Variants in MAGEC3 observed in about 807,000 individuals in gnomAD.
The protein encoded by MAGEC3 is melanoma-associated antigen C3.
MAGEC3 carries 34 observed loss-of-function variants against 35.3 expected under a neutral mutation model. The observed-to-expected ratio is 0.96, with a 90% CI of 0.73 to 1.28. The LOEUF (loss-of-function observed/expected upper bound fraction) is 1.28, where lower values mean the gene tolerates loss of function less well. MAGEC3 is among the 50% of genes most tolerant of loss of function. The pLI is 0.00. For missense variants in MAGEC3, 561 were observed against 483.6 expected (o/e 1.16, Z -1.50); for synonymous variants, 202 against 185.6 (o/e 1.09, Z -0.72).
At chrX:141,859,456 C>T (rs1466500366) in intron 1 of MAGEC3, among the ~76,000 whole-genome samples, 2 of 111,493 alleles carry the variant, frequency 1.8e-5, no homozygotes, top group African/African-American at 6.5e-5. Flanking sequence ...ACATTTTTAT[C>T]TATTGAATTG....
intron 4 of MAGEC3, among the ~76,000 whole-genome samples, chrX:141,885,864 C>A (rs1443245617): frequency 9.1e-6 from 1 of 109,954 alleles, no homozygotes; most frequent in South Asian, 4.0e-4. Flanking sequence ...CTCATCCCAG[C>A]TGAGAGGGTC....
At chrX:141,839,970 A>G (rs2017676490) in intron 1 of MAGEC3, 25 of 742,324 alleles carry the variant, frequency 3.4e-5, no homozygotes, top group Non-Finnish European at 3.8e-5. Context: ...ACAGTGAGAA[A>G]CCCTGAGTTT....
intron 1 of MAGEC3, among the ~76,000 whole-genome samples, chrX:141,845,695 T>G (rs1231263673): frequency 1.8e-5 from 2 of 111,287 alleles, no homozygotes; most frequent in Non-Finnish European, 3.8e-5. Context: ...TTAGAGAAAC[T>G]AATAGAATTA....
At chrX:141,858,507 T>C (rs2017795520) in intron 1 of MAGEC3, among the ~76,000 whole-genome samples, 1 of 111,587 alleles carries the variant, frequency 9.0e-6, no homozygotes, top group Non-Finnish European at 1.9e-5. Flanking sequence ...CGATTTTGTT[T>C]TATTTTTATG....
intron 1 of MAGEC3, among the ~76,000 whole-genome samples, chrX:141,862,836 A>G (rs181004190): frequency 5.4e-5 from 6 of 112,020 alleles, no homozygotes; most frequent in African/African-American, 1.9e-4. Flanking sequence ...GTTAGTGGGT[A>G]CAAACATACA....
chrX:141,892,915 G>A (rs1386782981), intron 4 of MAGEC3, among the ~76,000 whole-genome samples: 2 of 112,051 alleles, frequency 1.8e-5, no homozygotes, highest in African/African-American at 6.5e-5. Flanking sequence ...ACAAGCCAGC[G>A]ACTGGCATAA....
intron 1 of MAGEC3, among the ~76,000 whole-genome samples, chrX:141,847,980 T>G (rs2017727113): frequency 9.1e-6 from 1 of 110,199 alleles, no homozygotes; most frequent in African/African-American, 3.3e-5. Context: ...GAACAAGAAA[T>G]TAGGAGAGTG....
chrX:141,879,229 G>A lies in MAGEC3; in HGVS notation c.313G>A (p.Gly105Arg). ...PGLQLSDLHF[G>R]SQPEGKFSLR... Reference sequence around the variant, plus strand: ...TTTACAACTTTCTGACTTGCATTTTGGGAGTCAGCCGGAGGGGAAGTTTTC... The same window carrying A: ...TTTACAACTTTCTGACTTGCATTTTAGGAGTCAGCCGGAGGGGAAGTTTTC... The change falls in exon 3 of 8, where the codon GGG becomes AGG. Residue 105 changes from glycine to arginine, a missense_variant. By Grantham distance (125) the Gly-to-Arg change is moderately radical (BLOSUM62 -2). Coordinates refer to ENST00000298296, the MANE Select transcript of MAGEC3 (RefSeq NM_138702.1). 8.3e-7 allele frequency: 1 copy of A among 1,203,346 alleles called. No homozygotes were observed. Among genetic ancestry groups the A allele is most frequent in the Non-Finnish European group, 1.1e-6 (1 of 890,922 alleles).
intron 1 of MAGEC3, among the ~76,000 whole-genome samples, chrX:141,862,769 G>T (rs2017823290): frequency 8.9e-6 from 1 of 112,106 alleles, no homozygotes; most frequent in African/African-American, 3.2e-5. Context: ...GGACACCAGA[G>T]ACTGGGGAGT....
intron 1 of MAGEC3, among the ~76,000 whole-genome samples, chrX:141,848,772 A>C (rs778553609): frequency 9.0e-6 from 1 of 111,460 alleles, no homozygotes; most frequent in South Asian, 3.7e-4. Context: ...AAGTAGAAGA[A>C]ACTATTCTAA....
intron 2 of MAGEC3, among the ~76,000 whole-genome samples, chrX:141,869,016 C>A (rs112357823): frequency 0.036 from 3,893 of 108,887 alleles, 183 homozygotes; most frequent in African/African-American, 0.12. Context: ...CGAGTAGCTG[C>A]GACTACAGGT....
At chrX:141,873,827 A>T (rs2017903099) in intron 2 of MAGEC3, among the ~76,000 whole-genome samples, 1 of 111,910 alleles carries the variant, frequency 8.9e-6, no homozygotes, top group African/African-American at 3.3e-5. Context: ...AAATCCTAGC[A>T]TGTTGTTTTG....
At chrX:141,854,247 T>TAC (rs1182080640) in intron 1 of MAGEC3, among the ~76,000 whole-genome samples, 60 of 111,149 alleles carry the variant, frequency 5.4e-4, no homozygotes, top group African/African-American at 1.6e-3. Flanking sequence ...TGGTATGTCC[T>TAC]ATGAAGAGAA....
chrX:141,870,521 TG>T (rs1437942943), intron 2 of MAGEC3, among the ~76,000 whole-genome samples: 1 of 112,041 alleles, frequency 8.9e-6, no homozygotes, highest in Non-Finnish European at 1.9e-5. Flanking sequence ...ATTTTTACAA[TG>T]TTTTTATAAT....
At chrX:141,869,744 C>A (rs2017875697) in intron 2 of MAGEC3, among the ~76,000 whole-genome samples, 1 of 111,807 alleles carries the variant, frequency 8.9e-6, no homozygotes, top group Non-Finnish European at 1.9e-5. Flanking sequence ...AGTTTGGATA[C>A]AATTAGAAAC....
intron 1 of MAGEC3, among the ~76,000 whole-genome samples, chrX:141,857,721 A>G (rs776090570): frequency 4.3e-4 from 48 of 110,973 alleles, no homozygotes; most frequent in Middle Eastern, 4.7e-3. Context: ...TTAACTACTC[A>G]CAGAGCCTTT....
At position 141,897,674 on chromosome X, in the gene MAGEC3, C is replaced by T. The variant is rs1188173300; in HGVS notation, c.1774C>T (p.Leu592=). Residue 592 remains leucine (L), a synonymous_variant, in exon 8 of 8, where the codon CTA becomes TTA. Coordinates refer to ENST00000298296, the MANE Select transcript of MAGEC3 (RefSeq NM_138702.1). ...AREVLEFLSK[L]SSIIPSAFPS... ...AGAAGTCTTAGAGTTTTTATCCAAG[C>T]TATCCAGTATCATCCCTAGTGCCTT... 8.3e-7 allele frequency: 1 copy of T among 1,209,562 alleles called. No homozygotes were observed. The highest frequency in any genetic ancestry group is 1.1e-6 in the Non-Finnish European group (1 of 895,051).
Position 141,879,313 on chromosome X carries a change from G to C in MAGEC3, c.397G>C (p.Glu133Gln). ...REEPQDWPLN[E>Q]KRTLWKDSDL... Reference sequence around the variant, plus strand: ...GGAACCCCAGGACTGGCCACTCAACGAGAAGAGAACTCTGTGGAAGGACAG... The same window carrying C: ...GGAACCCCAGGACTGGCCACTCAACCAGAAGAGAACTCTGTGGAAGGACAG... Residue 133 changes from glutamate (E) to glutamine (Q), a missense_variant, in exon 3 of 8, where the codon GAG becomes CAG. Glu to Gln is a conservative substitution (Grantham distance 29). Coordinates refer to ENST00000298296, the MANE Select transcript of MAGEC3 (RefSeq NM_138702.1). 8.3e-7 allele frequency: 1 copy of C among 1,205,943 alleles called. No individual in the cohort carries two copies. Among genetic ancestry groups the C allele is most frequent in the Non-Finnish European group, 1.1e-6 (1 of 892,529 alleles).
intron 2 of MAGEC3, among the ~76,000 whole-genome samples, chrX:141,868,980 C>T (rs2017869511): frequency 9.1e-6 from 1 of 109,781 alleles, no homozygotes; most frequent in Admixed American, 9.7e-5. Flanking sequence ...CTCTCGGGTT[C>T]ACGCCATTCT....
Sources: gnomAD v4.1 joint callset for allele counts (sites outside exome capture counted in the v4.1 genomes callset) on GRCh38, gnomAD v4.1.1 for gene constraint, MANE v1.5 for transcripts, NCBI Gene and HGNC (gene_info 2026-07-23, HGNC 2026-07-21) for gene names.